HECA: variants seen among roughly 807,000 people sequenced by gnomAD.
HECA encodes headcase protein homolog.
In HECA, 13 loss-of-function variants were observed where a neutral mutation model predicts 37.6. That is an observed-to-expected ratio of 0.35 (90% confidence interval 0.23 to 0.55). The LOEUF is 0.55. HECA is among the 20% of genes least tolerant of loss of function. HECA has a pLI of 0.90. For synonymous variants in HECA, 307 were observed against 291.5 expected (o/e 1.05, Z -0.54); for missense variants, 527 against 701.9 (o/e 0.75, Z 2.82).
At chr6:139,152,742 AT>A (rs1774666425) in intron 1 of HECA, among the ~76,000 whole-genome samples, 4 of 152,152 alleles carry the variant, frequency 2.6e-5, no homozygotes, top group Non-Finnish European at 4.4e-5. Flanking sequence ...TAGTGTCTTT[AT>A]TTTTAGTAGA....
At position 139,166,632 on chromosome 6, in the gene HECA, C is replaced by G. The variant is rs764579603; in HGVS notation, c.620C>G (p.Ser207Cys). Residue 207 changes from serine (S) to cysteine (C), a missense_variant, in exon 2 of 4, where the codon TCC becomes TGC. Transcript: ENST00000367658. ...GACGAGAAAAAGAAGAAGTCTGGCT[C>G]CGAGAAGAACACAGGGAGGCCTCCT... ...MQDEKKKKSG[S>C]EKNTGRPPGE... 14 of 1,614,096 alleles carry G rather than the reference C, an allele frequency of 8.7e-6. No individual in the cohort carries two copies. In the Admixed American group the frequency reaches 2.3e-4, roughly 27 times the overall value.
In HECA at chr6:139,168,870, C is replaced by G. The variant is rs141203255; in HGVS notation, c.1312+1546C>G. 7.2e-5 allele frequency among the ~76,000 whole-genome samples: 11 copies of G among 152,244 alleles called. No homozygotes were observed. The East Asian group carries it at 2.1e-3, about 29-fold the overall frequency. On this transcript the variant is annotated intron_variant, in intron 2 of 3. Coordinates refer to ENST00000367658, the MANE Select transcript of HECA (RefSeq NM_016217.3). The stretch of plus-strand genomic sequence containing the variant: ...GTCTTCTAAGTTATACATATTTTCC[C>G]CTTGGAATTTTGAAGACATTTCTTT...
chr6:139,148,259 A>G (rs1388021725), intron 1 of HECA, among the ~76,000 whole-genome samples: 1 of 152,200 alleles, frequency 6.6e-6, no homozygotes, highest in African/African-American at 2.4e-5. Context: ...GAAATTTTAC[A>G]GTTTTGTATG....
At chr6:139,136,792 G>T (rs1385832297) in intron 1 of HECA, among the ~76,000 whole-genome samples, 1 of 151,984 alleles carries the variant, frequency 6.6e-6, no homozygotes, top group South Asian at 2.1e-4. Flanking sequence ...CCGCCACCAC[G>T]CCCGGCTAAT....
chr6:139,165,501 A>G (rs1774870966), intron 1 of HECA, among the ~76,000 whole-genome samples: 2 of 151,948 alleles, frequency 1.3e-5, no homozygotes, highest in Admixed American at 6.5e-5. Flanking sequence ...TGTATCTGCC[A>G]TTATAGTATC....
intron 1 of HECA, among the ~76,000 whole-genome samples, chr6:139,157,377 A>G (rs1774731862): frequency 6.6e-6 from 1 of 152,224 alleles, no homozygotes; most frequent in Non-Finnish European, 1.5e-5. Context: ...AGTAGGTTTC[A>G]GCCTCATTTT....
rs1419267749 is a variant in HECA at position 139,178,906 on chromosome 6, T to A, written c.*1801T>A. On this transcript the variant is annotated 3_prime_UTR_variant, in exon 4 of 4. Coordinates refer to ENST00000367658, the MANE Select transcript of HECA (RefSeq NM_016217.3). ...AGTTCTATATGAAGTATTTGATGTTTTGTTTGAAACAATACAGCATTAAAG... is the reference window on the plus strand; with the variant it reads ...AGTTCTATATGAAGTATTTGATGTTATGTTTGAAACAATACAGCATTAAAG... 3 of 152,200 alleles carry A rather than the reference T, an allele frequency of 2.0e-5. No individual in the cohort carries two copies. Among genetic ancestry groups the A allele is most frequent in the Admixed American group, 2.0e-4 (3 of 15,268 alleles). 9.4% of individuals were successfully genotyped at this position (152,200 alleles called of 1,614,324 possible). A position where few individuals can be genotyped will look rare whatever the true frequency, so the allele number is the denominator to read the frequency against.
intron 1 of HECA, among the ~76,000 whole-genome samples, chr6:139,158,497 C>T (rs1308503986): frequency 3.1e-4 from 26 of 84,370 alleles, no homozygotes; most frequent in Admixed American, 1.8e-3. Context: ...AGCGAGATTC[C>T]ATCTCAAAAA....
At chr6:139,151,786 T>C (rs1340956341) in intron 1 of HECA, among the ~76,000 whole-genome samples, 1 of 152,226 alleles carries the variant, frequency 6.6e-6, no homozygotes, top group Admixed American at 6.5e-5. Context: ...ATTGAACATT[T>C]TGAATAAGAC....
At chr6:139,136,621 A>C (rs1004004045) in intron 1 of HECA, among the ~76,000 whole-genome samples, 1 of 148,364 alleles carries the variant, frequency 6.7e-6, no homozygotes, top group South Asian at 2.1e-4. Context: ...CTTTATGTAG[A>C]TCAGGCACTT....
In HECA at chr6:139,174,377, G is replaced by C. The variant is rs369215561; in HGVS notation, c.1313-8G>C. The C allele has an allele frequency of 1.2e-6, 2 of 1,612,128 alleles. No homozygotes were observed. The highest frequency in any genetic ancestry group is 1.7e-5 in the Admixed American group (1 of 59,772). Reference sequence around the variant, plus strand: ...GGCCACTCAGAGCCTTGTGTCTTCTGTGCACAGGGAGACTCATGCATCTGT... The same window carrying C: ...GGCCACTCAGAGCCTTGTGTCTTCTCTGCACAGGGAGACTCATGCATCTGT... On this transcript the variant is annotated splice_region_variant and splice_polypyrimidine_tract_variant and intron_variant, in intron 2 of 3. Transcript: ENST00000367658.
intron 1 of HECA, chr6:139,144,707 AATGAG>A (rs1774560497): frequency 6.6e-6 from 1 of 152,236 alleles, no homozygotes; most frequent in Admixed American, 6.5e-5. Context: ...ATTTTAACAG[AATGAG>A]TATCTTTTAA....
Position 139,174,610 on chromosome 6 carries a change from A to G in HECA, c.1467+71A>G, listed in dbSNP as rs138978109. On this transcript the variant is annotated intron_variant, in intron 3 of 3. Coordinates refer to ENST00000367658, the MANE Select transcript of HECA (RefSeq NM_016217.3). ...CTGTCCCCAAGTGAATGTAGGGAAGATGCGTCTGGCAATAAAGAAGAAATT... is the reference window on the plus strand; with the variant it reads ...CTGTCCCCAAGTGAATGTAGGGAAGGTGCGTCTGGCAATAAAGAAGAAATT... 2.9e-4 allele frequency: 450 copies of G among 1,555,090 alleles called. 3 individuals are homozygous for G. The African/African-American group carries it at 5.8e-3, about 20-fold the overall frequency.
At chr6:139,154,338 C>G (rs920747741) in intron 1 of HECA, among the ~76,000 whole-genome samples, 3 of 103,140 alleles carry the variant, frequency 2.9e-5, no homozygotes, top group Non-Finnish European at 4.5e-5. Flanking sequence ...TCTTAGCTAC[C>G]TGGAGAATGT....
In HECA at chr6:139,135,639, G is replaced by C. The variant is rs1774424299; in HGVS notation, c.243G>C (p.Gly81=). The C allele has an allele frequency of 1.0e-6, 1 of 975,044 alleles. No homozygotes were observed. The highest frequency in any genetic ancestry group is 1.2e-6 in the Non-Finnish European group (1 of 821,724). 60.4% of individuals were successfully genotyped at this position (975,044 alleles called of 1,614,324 possible). A position where few individuals can be genotyped will look rare whatever the true frequency, so the allele number is the denominator to read the frequency against. ...TGAANAAAAA[G]AAAAGDAKNE... is the part of the protein sequence containing the mutation. ...CCGCGAACGCTGCGGCCGCCGCGGGGGCTGCGGCCGCGGGCGATGCCAAAA... is the reference window on the plus strand; with the variant it reads ...CCGCGAACGCTGCGGCCGCCGCGGGCGCTGCGGCCGCGGGCGATGCCAAAA... Residue 81 remains glycine (G), a synonymous_variant, in exon 1 of 4, where the codon GGG becomes GGC. Coordinates refer to ENST00000367658, the MANE Select transcript of HECA (RefSeq NM_016217.3).
intron 1 of HECA, among the ~76,000 whole-genome samples, chr6:139,147,489 G>T (rs1774598737): frequency 6.6e-6 from 1 of 152,108 alleles, no homozygotes. Context: ...GCCGGATGTG[G>T]TGATGTGTGC....
At chr6:139,149,607 A>G (rs1156425647) in intron 1 of HECA, among the ~76,000 whole-genome samples, 3 of 152,108 alleles carry the variant, frequency 2.0e-5, no homozygotes, top group Non-Finnish European at 4.4e-5. Flanking sequence ...GGTCTTCCAA[A>G]TCTGTATTCT....
intron 1 of HECA, among the ~76,000 whole-genome samples, chr6:139,150,107 G>A (rs1303037524): frequency 1.3e-5 from 2 of 152,188 alleles, no homozygotes; most frequent in Admixed American, 1.3e-4. Context: ...TGGAGTGGAA[G>A]TTTGCATGTT....
At chr6:139,144,766 C>T (rs1198808309) in intron 1 of HECA, among the ~76,000 whole-genome samples, 1 of 152,210 alleles carries the variant, frequency 6.6e-6, no homozygotes, top group Non-Finnish European at 1.5e-5. Flanking sequence ...CATGGACCCT[C>T]AATTGTGGTT....
Sources: gnomAD v4.1 joint callset for allele counts (sites outside exome capture counted in the v4.1 genomes callset) on GRCh38, gnomAD v4.1.1 for gene constraint, MANE v1.5 for transcripts, NCBI Gene and HGNC (gene_info 2026-07-23, HGNC 2026-07-21) for gene names.